LVRN: variants seen among roughly 807,000 people sequenced by gnomAD.
The protein encoded by LVRN is aminopeptidase Q.
Under a neutral mutation model 111.4 loss-of-function variants are expected in LVRN, and 99 were observed. The ratio of observed to expected loss-of-function variants is 0.89; its 90% CI spans 0.76 to 1.05. LVRN has a LOEUF of 1.05. Ranked by LOEUF, LVRN falls within the 50% of genes least tolerant of loss-of-function variation. The pLI, the probability that LVRN is intolerant of heterozygous loss-of-function variation, is 0.00. For synonymous variants in LVRN, 488 were observed against 449.5 expected (o/e 1.09, Z -1.08); for missense variants, 1,414 against 1,206.8 (o/e 1.17, Z -2.54).
Position 115,992,157 on chromosome 5 carries a change from A to G in LVRN, c.1140A>G (p.Ala380=), listed in dbSNP as rs1405765629. The G allele has an allele frequency of 1.9e-6, 3 of 1,613,592 alleles. No individual in the cohort carries two copies. In the Admixed American group the frequency reaches 5.0e-5, roughly 27 times the overall value. The change falls in exon 5 of 20, where the codon GCA becomes GCG. Residue 380 remains alanine, a synonymous_variant. Transcript: ENST00000357872. The part of the protein sequence containing the change: ...IIALPSFDNH[A]MENWGLMIFD... ...CCTTGCCTAGTTTTGACAACCATGC[A>G]ATGGAAAACTGGGGACTAATGATAT...
chr5:115,973,901 G>A (rs938576887), intron 1 of LVRN, among the ~76,000 whole-genome samples: 3 of 151,950 alleles, frequency 2.0e-5, no homozygotes, highest in Non-Finnish European at 4.4e-5. Context: ...AGTTTATTTG[G>A]TCTGCCTTGA....
chr5:115,988,600 G>T lies in LVRN; in HGVS notation c.1105+661G>T, dbSNP rs183444019. ...ATTTTGTTCTTCTGACATGTTAGTTGAAGACTTGGAAAAAGTATGCGCTGC... is the reference window on the plus strand; with the variant it reads ...ATTTTGTTCTTCTGACATGTTAGTTTAAGACTTGGAAAAAGTATGCGCTGC... On this transcript the variant is annotated intron_variant, in intron 4 of 19. Transcript: ENST00000357872. Among the ~76,000 whole-genome samples, 332 of 152,246 alleles carry T rather than the reference G, an allele frequency of 2.2e-3. 1 individual carries two copies. Among genetic ancestry groups the T allele is most frequent in the African/African-American group, 7.5e-3 (312 of 41,546 alleles).
chr5:116,012,845 T>C (rs1748520438), intron 15 of LVRN, among the ~76,000 whole-genome samples: 1 of 152,146 alleles, frequency 6.6e-6, no homozygotes, highest in Non-Finnish European at 1.5e-5. Flanking sequence ...CATCTGTATT[T>C]TATTATTAAC....
chr5:115,973,671 GT>G (rs142503248), intron 1 of LVRN, among the ~76,000 whole-genome samples: 7,760 of 152,202 alleles, frequency 0.051, 215 homozygotes, highest in Non-Finnish European at 0.055. Context: ...TTTAATCAAA[GT>G]TGCCAAATGT....
intron 7 of LVRN, 86 bp from the exon 8 acceptor site, chr5:116,000,347 C>T (rs1580390904): frequency 3.9e-6 from 6 of 1,535,248 alleles, no homozygotes; most frequent in Non-Finnish European, 5.4e-6. Context: ...AGGAGCACAG[C>T]TCAGAATATT....
intron 18 of LVRN, among the ~76,000 whole-genome samples, chr5:116,017,938 T>A (rs1331717316): frequency 1.3e-5 from 2 of 152,190 alleles, no homozygotes; most frequent in African/African-American, 4.8e-5. Context: ...ATGTTTAGAA[T>A]GAAACACACA....
chr5:116,000,038 T>C, intron 7 of LVRN, 136 bp downstream of exon 7: 1 of 978,084 alleles, frequency 1.0e-6, no homozygotes, highest in Non-Finnish European at 1.5e-6. Flanking sequence ...AATACATAGG[T>C]ATCAGAAAAC....
At position 115,987,046 on chromosome 5, in the gene LVRN, A is replaced by G. The variant is rs192891126; in HGVS notation, c.979-767A>G. On this transcript the variant is annotated intron_variant, in intron 3 of 19. Coordinates refer to ENST00000357872, the MANE Select transcript of LVRN (RefSeq NM_173800.5). ...TAAAAATTACTTACTTTTTTTTTTTAGAGTTTACAATACTTTCAATTTATA... is the reference window on the plus strand; with the variant it reads ...TAAAAATTACTTACTTTTTTTTTTTGGAGTTTACAATACTTTCAATTTATA... Among the ~76,000 whole-genome samples the G allele has an allele frequency of 1.3e-3, 198 of 150,548 alleles. 2 individuals carry two copies. The highest frequency in any genetic ancestry group is 3.4e-4 in the Non-Finnish European group (23 of 67,608).
intron 1 of LVRN, chr5:115,974,783 A>G (rs968961885): frequency 8.2e-6 from 2 of 243,866 alleles, no homozygotes; most frequent in Admixed American, 4.7e-5. Flanking sequence ...TATCTGTAAT[A>G]TCATGGACAT....
chr5:115,984,989 A>G (rs973921848), intron 3 of LVRN, among the ~76,000 whole-genome samples: 6 of 152,282 alleles, frequency 3.9e-5, no homozygotes, highest in Admixed American at 1.3e-4. Flanking sequence ...GCTTTTGCAG[A>G]AGACAGGAGA....
Position 115,969,331 on chromosome 5 carries a change from T to A in LVRN, c.695+6019T>A, listed in dbSNP as rs10463451. On this transcript the variant is annotated intron_variant, in intron 1 of 19. Transcript: ENST00000357872. ...CTGGGACTCCAATTACCTATTAGGC[T>A]GCCTGACATTACAGGCAGGTCCTGA... Among the ~76,000 whole-genome samples, 323 of 151,982 alleles carry A rather than the reference T, an allele frequency of 2.1e-3. 1 individual carries two copies. Among genetic ancestry groups the A allele is most frequent in the South Asian group, 1.9e-3 (9 of 4,810 alleles).
In LVRN at chr5:115,962,820, C is replaced by CG. The variant is rs758628190; in HGVS notation, c.203_204insG (p.Thr69AsnfsTer80). Reference sequence around the variant, plus strand: ...CCTCCCCTCAGGCAGAAGCCGACGCCAACCCCGAAACCCAGCAGTGCACGC... The same window carrying CG: ...CCTCCCCTCAGGCAGAAGCCGACGCCGAACCCCGAAACCCAGCAGTGCACGC... On this transcript the variant is annotated frameshift_variant, in exon 1 of 20. Coordinates refer to ENST00000357872, the MANE Select transcript of LVRN (RefSeq NM_173800.5). LOFTEE classifies it high-confidence loss of function. The CG allele has an allele frequency of 6.2e-7, 1 of 1,612,016 alleles. No homozygotes were observed. Among genetic ancestry groups the CG allele is most frequent in the Non-Finnish European group, 8.5e-7 (1 of 1,179,108 alleles).
intron 1 of LVRN, among the ~76,000 whole-genome samples, chr5:115,977,814 A>G (rs1180123020): frequency 2.0e-5 from 3 of 152,198 alleles, no homozygotes; most frequent in African/African-American, 7.2e-5. Flanking sequence ...CACTTTTGTA[A>G]TTTAATGAGA....
At chr5:115,995,740 A>G (rs1165886534) in intron 6 of LVRN, among the ~76,000 whole-genome samples, 1 of 152,222 alleles carries the variant, frequency 6.6e-6, no homozygotes, top group Non-Finnish European at 1.5e-5. Context: ...CCTCAAACCA[A>G]CCATATGAGT....
At chr5:115,997,383 G>A (rs2112595146) in intron 6 of LVRN, among the ~76,000 whole-genome samples, 1 of 152,292 alleles carries the variant, frequency 6.6e-6, no homozygotes, top group South Asian at 2.1e-4. Context: ...TAGATTTTAT[G>A]CTATGTGTGG....
intron 2 of LVRN, among the ~76,000 whole-genome samples, chr5:115,983,985 C>T (rs1006511431): frequency 6.6e-6 from 1 of 152,154 alleles, no homozygotes; most frequent in African/African-American, 2.4e-5. Flanking sequence ...AGGCAGGTTC[C>T]CAGGTCAACA....
chr5:116,019,302 A>G lies in LVRN; in HGVS notation c.2757-3089A>G, dbSNP rs549740065. Among the ~76,000 whole-genome samples, 6 of 152,320 alleles carry G rather than the reference A, an allele frequency of 3.9e-5. No individual in the cohort carries two copies. The East Asian group carries it at 1.2e-3, about 29-fold the overall frequency. On this transcript the variant is annotated intron_variant, in intron 18 of 19. Coordinates refer to ENST00000357872, the MANE Select transcript of LVRN (RefSeq NM_173800.5). ...CATTGCTAGGGGATAGGAATTTTGTAGCTCCTTTTTAATCTTGTAGGACCT... is the reference window on the plus strand; with the variant it reads ...CATTGCTAGGGGATAGGAATTTTGTGGCTCCTTTTTAATCTTGTAGGACCT...
intron 17 of LVRN, 88 bp downstream of exon 17, chr5:116,015,507 T>C (rs910476903): frequency 6.8e-7 from 1 of 1,475,468 alleles, no homozygotes; most frequent in Non-Finnish European, 9.0e-7. Context: ...AATGTAAGTA[T>C]TAAAACGTTG....
chr5:115,967,463 T>C (rs1485765563), intron 1 of LVRN, among the ~76,000 whole-genome samples: 10 of 152,264 alleles, frequency 6.6e-5, no homozygotes, highest in Non-Finnish European at 1.5e-4. Context: ...CTGGATTCTC[T>C]ATTCTGTTCC....
Sources: allele counts gnomAD v4.1 joint callset (sites outside exome capture counted in the v4.1 genomes callset), GRCh38; gene constraint gnomAD v4.1.1; transcripts MANE v1.5; gene names NCBI Gene and HGNC (gene_info 2026-07-23, HGNC 2026-07-21).